The following KLHL1 variants were observed in gnomAD, a reference collection of about 807,000 sequenced individuals.
KLHL1 encodes kelch-like protein 1.
KLHL1 carries 47 observed loss-of-function variants against 77.7 expected under a neutral mutation model. The observed-to-expected ratio is 0.60, with a 90% CI of 0.48 to 0.77. The LOEUF is 0.77. KLHL1 is among the 30% of genes least tolerant of loss of function. The pLI is 0.00. For synonymous variants in KLHL1, 360 were observed against 325.2 expected (o/e 1.11, Z -1.15); for missense variants, 925 against 910.8 (o/e 1.02, Z -0.20).
chr13:70,082,283 AACCAGG>A (rs1235474352), intron 1 of KLHL1, among the ~76,000 whole-genome samples: 1 of 147,636 alleles, frequency 6.8e-6, no homozygotes, highest in African/African-American at 2.5e-5. Flanking sequence ...TCTAGAGTTT[AACCAGG>A]AGCCCTTCCT....
chr13:69,866,849 ACAC>A, intron 5 of KLHL1, among the ~76,000 whole-genome samples: 1 of 152,254 alleles, frequency 6.6e-6, no homozygotes, highest in East Asian at 1.9e-4. Flanking sequence ...GTAATTCAGA[ACAC>A]CACATGTTTT....
At chr13:69,975,577 A>C (rs1738888752) in intron 2 of KLHL1, 43 bp downstream of exon 2, 3 of 1,542,980 alleles carry the variant, frequency 1.9e-6, no homozygotes, top group Non-Finnish European at 2.6e-6. Context: ...TGGCACTTTT[A>C]AACATGTGAA....
At chr13:69,729,158 T>G (rs921127001) in intron 8 of KLHL1, among the ~76,000 whole-genome samples, 13 of 152,144 alleles carry the variant, frequency 8.5e-5, no homozygotes, top group African/African-American at 3.1e-4. Flanking sequence ...GCACCACACA[T>G]CGACGTTTAT....
intron 8 of KLHL1, among the ~76,000 whole-genome samples, chr13:69,728,537 GC>G (rs1032868793): frequency 5.9e-5 from 9 of 151,518 alleles, no homozygotes; most frequent in Admixed American, 5.3e-4. Context: ...ATGAAGCTTT[GC>G]ACACCTGTAA....
intron 5 of KLHL1, among the ~76,000 whole-genome samples, chr13:69,876,367 G>T (rs1487666103): frequency 2.0e-5 from 3 of 152,142 alleles, no homozygotes; most frequent in East Asian, 1.9e-4. Context: ...CAATGAAAAA[G>T]GTTGGAGACC....
In KLHL1 at chr13:69,849,520, C is replaced by T. The variant is rs77639570; in HGVS notation, c.1228-10358G>A. Among the ~76,000 whole-genome samples the T allele has an allele frequency of 5.5e-3, 834 of 151,422 alleles. 18 individuals carry two copies. Among genetic ancestry groups the T allele is most frequent in the East Asian group, 0.016 (80 of 5,118 alleles). Reference sequence around the variant, plus strand: ...TCTCTCTATCTTACTGTCCTTAATGCCTTTTTCCTCTGGGGCTTCTATTAA... The same window carrying T: ...TCTCTCTATCTTACTGTCCTTAATGTCTTTTTCCTCTGGGGCTTCTATTAA... On this transcript the variant is annotated intron_variant, in intron 5 of 10. Coordinates refer to ENST00000377844, the MANE Select transcript of KLHL1 (RefSeq NM_020866.3).
chr13:69,780,745 CATATATATATAT>C (rs72123116), intron 7 of KLHL1, among the ~76,000 whole-genome samples: 972 of 33,730 alleles, frequency 0.029, 26 homozygotes, highest in African/African-American at 0.084. Context: ...TATATATATA[CATATATATATAT>C]ACACACACAT....
intron 6 of KLHL1, among the ~76,000 whole-genome samples, chr13:69,806,760 A>G (rs760917566): frequency 1.3e-5 from 2 of 152,180 alleles, no homozygotes; most frequent in Non-Finnish European, 2.9e-5. Flanking sequence ...AGAAACTCAG[A>G]GGCATTTGAG....
At chr13:69,974,159 T>C (rs1884475709) in intron 2 of KLHL1, among the ~76,000 whole-genome samples, 1 of 151,952 alleles carries the variant, frequency 6.6e-6, no homozygotes, top group Admixed American at 6.6e-5. Flanking sequence ...TAAAATTTTA[T>C]TTGAATTGAG....
chr13:69,772,009 T>C (rs1875594414), intron 7 of KLHL1, among the ~76,000 whole-genome samples: 1 of 152,086 alleles, frequency 6.6e-6, no homozygotes, highest in Non-Finnish European at 1.5e-5. Flanking sequence ...AGGAATGCAG[T>C]GGCACAGTCT....
In KLHL1 at chr13:70,085,166, G is replaced by A. The variant is rs1011602909; in HGVS notation, c.497+22037C>T. ...ATGTGGGAATGTATGCATATCTCTT[G>A]AAAAAGAGACAGCAATACAGACAGA... On this transcript the variant is annotated intron_variant, in intron 1 of 10. Transcript: ENST00000377844. Among the ~76,000 whole-genome samples, 5 of 152,070 alleles carry A rather than the reference G, an allele frequency of 3.3e-5. No homozygotes were observed. In the South Asian group the frequency reaches 1.0e-3, roughly 32 times the overall value.
intron 1 of KLHL1, among the ~76,000 whole-genome samples, chr13:70,013,060 T>C (rs1885576286): frequency 6.6e-6 from 1 of 152,130 alleles, no homozygotes; most frequent in Non-Finnish European, 1.5e-5. Flanking sequence ...CCATGAAGAA[T>C]TCTAGATACT....
At chr13:70,048,894 C>A (rs1886564892) in intron 1 of KLHL1, among the ~76,000 whole-genome samples, 1 of 152,112 alleles carries the variant, frequency 6.6e-6, no homozygotes, top group Non-Finnish European at 1.5e-5. Context: ...TTGAAAGGGG[C>A]AGAAAGTAGG....
chr13:70,026,602 C>T (rs763542913), intron 1 of KLHL1, among the ~76,000 whole-genome samples: 15 of 151,810 alleles, frequency 9.9e-5, no homozygotes, highest in Non-Finnish European at 2.1e-4. Flanking sequence ...AAAAATAAGA[C>T]AACATATATT....
At chr13:69,927,878 C>T (rs1375188490) in intron 4 of KLHL1, among the ~76,000 whole-genome samples, 1 of 152,172 alleles carries the variant, frequency 6.6e-6, no homozygotes, top group African/African-American at 2.4e-5. Flanking sequence ...CCATATCACT[C>T]CCAGGCACAT....
intron 5 of KLHL1, among the ~76,000 whole-genome samples, chr13:69,880,043 T>C (rs552009341): frequency 6.6e-6 from 1 of 152,326 alleles, no homozygotes; most frequent in African/African-American, 2.4e-5. Context: ...TTTTATGATC[T>C]TCCAGGTTAG....
chr13:69,736,755 TGCA>T (rs1333986500), intron 8 of KLHL1, among the ~76,000 whole-genome samples: 1 of 152,024 alleles, frequency 6.6e-6, no homozygotes, highest in Admixed American at 6.6e-5. Flanking sequence ...TAATGGCATT[TGCA>T]GCAACCTGGT....
chr13:70,010,933 G>T (rs1457570460), intron 1 of KLHL1, among the ~76,000 whole-genome samples: 2 of 101,258 alleles, frequency 2.0e-5, no homozygotes, highest in African/African-American at 7.8e-5. Flanking sequence ...ATAAAATAAA[G>T]AGCTCAGTAT....
At chr13:69,737,739 T>A (rs149617449) in intron 8 of KLHL1, among the ~76,000 whole-genome samples, 38 of 152,238 alleles carry the variant, frequency 2.5e-4, no homozygotes, top group African/African-American at 6.0e-4. Context: ...AACTCTGATA[T>A]CCCTGAGAGG....
Sources: allele counts gnomAD v4.1 joint callset (sites outside exome capture counted in the v4.1 genomes callset), GRCh38; gene constraint gnomAD v4.1.1; transcripts MANE v1.5; gene names NCBI Gene and HGNC (gene_info 2026-07-23, HGNC 2026-07-21).